The following CNTN5 variants were observed in gnomAD, a reference collection of about 807,000 sequenced individuals.
CNTN5 encodes the protein contactin-5.
Under a neutral mutation model 129.1 loss-of-function variants are expected in CNTN5, and 77 were observed. That is an observed-to-expected ratio of 0.60 (90% CI 0.50 to 0.72). CNTN5 has a LOEUF of 0.72. Ranked by LOEUF, CNTN5 falls within the 30% of genes least tolerant of loss-of-function variation. The probability of loss-of-function intolerance (pLI) is 0.00; values close to 1 mark genes in which losing one functional copy is unlikely to be tolerated. For missense variants in CNTN5, 1,478 were observed against 1,328.8 expected (o/e 1.11, Z -1.75); for synonymous variants, 509 against 465.6 (o/e 1.09, Z -1.20).
intron 3 of CNTN5, among the ~76,000 whole-genome samples, chr11:99,704,945 C>T (rs2134900857): frequency 6.6e-6 from 1 of 151,240 alleles, no homozygotes; most frequent in Non-Finnish European, 1.5e-5. Flanking sequence ...TCTGGCATTC[C>T]AATAATTATT....
At chr11:100,211,733 C>G (rs1949037356) in intron 15 of CNTN5, among the ~76,000 whole-genome samples, 1 of 152,106 alleles carries the variant, frequency 6.6e-6, no homozygotes, top group African/African-American at 2.4e-5. Flanking sequence ...GCTTTCAGCT[C>G]TAAGTCAGTT....
At chr11:100,112,270 C>A (rs989113887) in intron 13 of CNTN5, among the ~76,000 whole-genome samples, 1 of 152,038 alleles carries the variant, frequency 6.6e-6, no homozygotes, top group African/African-American at 2.4e-5. Context: ...GAACAGAACT[C>A]CAGCTGACCT....
intron 3 of CNTN5, among the ~76,000 whole-genome samples, chr11:99,671,805 C>T (rs896569021): frequency 2.6e-5 from 4 of 151,964 alleles, no homozygotes; most frequent in Admixed American, 6.6e-5. Context: ...GTAATATATT[C>T]GAGTAGAAAA....
intron 3 of CNTN5, among the ~76,000 whole-genome samples, chr11:99,795,080 C>A (rs1384478267): frequency 3.3e-5 from 5 of 152,166 alleles, no homozygotes; most frequent in Admixed American, 3.3e-4. Flanking sequence ...GATTTGCTTT[C>A]TATACATAAT....
chr11:99,195,153 T>A (rs1262120872), intron 1 of CNTN5, among the ~76,000 whole-genome samples: 2 of 152,216 alleles, frequency 1.3e-5, no homozygotes, highest in African/African-American at 2.4e-5. Context: ...ATATTTTATT[T>A]ATTTATTTGC....
intron 3 of CNTN5, among the ~76,000 whole-genome samples, chr11:99,790,471 C>A (rs1945700619): frequency 6.6e-6 from 1 of 152,210 alleles, no homozygotes; most frequent in Middle Eastern, 3.4e-3. Flanking sequence ...TGGCCTCCAG[C>A]TCCATCCACA....
At chr11:100,286,383 T>C (rs1372321630) in intron 18 of CNTN5, among the ~76,000 whole-genome samples, 1 of 151,506 alleles carries the variant, frequency 6.6e-6, no homozygotes, top group East Asian at 2.0e-4. Context: ...AGAGCAGTGG[T>C]TCTCCCAGCA....
chr11:100,040,485 C>G (rs1247461111), intron 9 of CNTN5, among the ~76,000 whole-genome samples: 1 of 152,210 alleles, frequency 6.6e-6, no homozygotes, highest in Non-Finnish European at 1.5e-5. Flanking sequence ...AAGCACTGCT[C>G]TCTTCAAAGC....
chr11:99,476,183 A>C (rs940379749), intron 2 of CNTN5, among the ~76,000 whole-genome samples: 2 of 151,990 alleles, frequency 1.3e-5, no homozygotes, highest in Non-Finnish European at 2.9e-5. Flanking sequence ...TTTATTTTTA[A>C]ATATTGCTAT....
intron 13 of CNTN5, among the ~76,000 whole-genome samples, chr11:100,104,090 G>T (rs1245709596): frequency 7.0e-6 from 1 of 143,536 alleles, no homozygotes; most frequent in Non-Finnish European, 1.5e-5. Context: ...GGTAGAAAAC[G>T]TCACTTTTTT....
intron 1 of CNTN5, among the ~76,000 whole-genome samples, chr11:99,279,972 A>G (rs1308901028): frequency 2.0e-5 from 3 of 151,690 alleles, no homozygotes; most frequent in Middle Eastern, 3.4e-3. Flanking sequence ...AAAGCATAAT[A>G]TATCTGTTCT....
At chr11:99,452,337 A>T (rs1176837193) in intron 2 of CNTN5, among the ~76,000 whole-genome samples, 1 of 151,804 alleles carries the variant, frequency 6.6e-6, no homozygotes, top group Non-Finnish European at 1.5e-5. Flanking sequence ...TTTCTCAGCT[A>T]AAGAAAAAAT....
intron 3 of CNTN5, among the ~76,000 whole-genome samples, chr11:99,561,428 G>A (rs1453090254): frequency 6.6e-6 from 1 of 152,174 alleles, no homozygotes; most frequent in Non-Finnish European, 1.5e-5. Flanking sequence ...CAATCTTTAT[G>A]TAGATTAATT....
intron 3 of CNTN5, among the ~76,000 whole-genome samples, chr11:99,581,637 C>G (rs1005571903): frequency 6.6e-6 from 1 of 151,956 alleles, no homozygotes; most frequent in South Asian, 2.1e-4. Context: ...CCGTTTTATC[C>G]GAGACTAGGA....
intron 1 of CNTN5, among the ~76,000 whole-genome samples, chr11:99,172,688 G>A (rs1429641223): frequency 1.3e-5 from 2 of 152,146 alleles, no homozygotes; most frequent in Non-Finnish European, 2.9e-5. Context: ...CTATAGTTAT[G>A]AACAGGCAAA....
chr11:99,675,495 C>A (rs1222101107), intron 3 of CNTN5, among the ~76,000 whole-genome samples: 1 of 152,060 alleles, frequency 6.6e-6, no homozygotes, highest in African/African-American at 2.4e-5. Context: ...CCAGCCTGGG[C>A]AACATGGTGA....
At chr11:99,464,155 T>A (rs574100798) in intron 2 of CNTN5, among the ~76,000 whole-genome samples, 4 of 152,212 alleles carry the variant, frequency 2.6e-5, no homozygotes, top group Non-Finnish European at 4.4e-5. Flanking sequence ...GTGCTAAGTG[T>A]TCCTTGGACT....
At chr11:100,287,006 G>C (rs2138844313) in intron 18 of CNTN5, among the ~76,000 whole-genome samples, 1 of 152,188 alleles carries the variant, frequency 6.6e-6, no homozygotes, top group East Asian at 1.9e-4. Flanking sequence ...AAGGGTATCA[G>C]CAATGGAAGA....
intron 13 of CNTN5, among the ~76,000 whole-genome samples, chr11:100,159,825 C>CATT (rs1947380547): frequency 6.6e-6 from 1 of 151,878 alleles, no homozygotes; most frequent in Non-Finnish European, 1.5e-5. Context: ...CCAAAATAGA[C>CATT]ATAATCTAGA....
Sources: gnomAD v4.1 joint callset for allele counts (sites outside exome capture counted in the v4.1 genomes callset) on GRCh38, gnomAD v4.1.1 for gene constraint, MANE v1.5 for transcripts, NCBI Gene and HGNC (gene_info 2026-07-23, HGNC 2026-07-21) for gene names.